HAAO: variants seen among roughly 807,000 people sequenced by gnomAD.
The protein encoded by HAAO is 3-hydroxyanthranilate oxygenase.
A neutral mutation model predicts 46.2 loss-of-function variants in HAAO; 49 were observed. The ratio of observed to expected loss-of-function variants is 1.06; its 90% CI spans 0.84 to 1.34. The LOEUF is 1.34. HAAO is among the 40% of genes most tolerant of loss of function. The probability of loss-of-function intolerance (pLI) is 0.00; values close to 1 mark genes in which losing one functional copy is unlikely to be tolerated. For missense variants in HAAO, 408 were observed against 364.5 expected, an observed-to-expected ratio of 1.12 and a Z score of -0.97; for synonymous variants, 157 against 145.2, an observed-to-expected ratio of 1.08 and a Z score of -0.58.
At chr2:42,775,450 C>A (rs746648561) in intron 4 of HAAO, among the ~76,000 whole-genome samples, 1 of 151,864 alleles carries the variant, frequency 6.6e-6, no homozygotes, top group Admixed American at 6.6e-5. Flanking sequence ...AGCTGAAATA[C>A]GGTAATGAGA....
At chr2:42,768,265 C>G (rs1051679341) in intron 7 of HAAO, among the ~76,000 whole-genome samples, 1 of 152,344 alleles carries the variant, frequency 6.6e-6, no homozygotes, top group African/African-American at 2.4e-5. Flanking sequence ...AGGGTGCCAC[C>G]TCCCTTTCTC....
chr2:42,767,541 T>C, intron 9 of HAAO, 26 bp from the exon 10 acceptor site: 1 of 1,600,838 alleles, frequency 6.2e-7, no homozygotes, highest in Non-Finnish European at 8.5e-7. Flanking sequence ...TGAGCAGGGA[T>C]CACACAGAGT....
chr2:42,775,517 T>G lies in HAAO; in HGVS notation c.351-4935A>C, dbSNP rs145143629. On this transcript the variant is annotated intron_variant, in intron 4 of 9. Transcript: ENST00000294973. ...GTTAAAAGTCAGCTTAATTAAAAGC[T>G]AACATCCAAGGGGTGTGTGTGTGTG... Among the ~76,000 whole-genome samples, 419 of 140,796 alleles carry G rather than the reference T, an allele frequency of 3.0e-3. 1 individual carries two copies. The highest frequency in any genetic ancestry group is 0.011 in the African/African-American group (405 of 35,658). 92.4% of individuals were successfully genotyped at this position (140,796 alleles called of 152,430 possible). A position where few individuals can be genotyped will look rare whatever the true frequency, so the allele number is the denominator to read the frequency against.
At chr2:42,783,155 GAC>G in intron 4 of HAAO, 157 bp downstream of exon 4, 1 of 599,736 alleles carries the variant, frequency 1.7e-6, no homozygotes, top group Non-Finnish European at 3.0e-6. Context: ...AGCCAACAAA[GAC>G]AGGATCTCCA....
intron 7 of HAAO, 69 bp downstream of exon 7, chr2:42,769,640 TGAGA>T (rs1670951340): frequency 4.1e-6 from 5 of 1,223,822 alleles, no homozygotes; most frequent in African/African-American, 1.5e-5. Context: ...AGAGAGGCAG[TGAGA>T]GAGAGACTGG....
chr2:42,767,842 T>C lies in HAAO; in HGVS notation c.699+18A>G, dbSNP rs1558657014. 1 of 1,612,514 alleles carries C rather than the reference T, an allele frequency of 6.2e-7. No individual in the cohort carries two copies. On this transcript the variant is annotated intron_variant, in intron 8 of 9. Coordinates refer to ENST00000294973, the MANE Select transcript of HAAO (RefSeq NM_012205.3). Reference sequence around the variant, plus strand: ...TCTGGCAGGGGGTTCTGCAACCCTGTCCCTGGGCCCCACTTGCCAGCTGCC... The same window carrying C: ...TCTGGCAGGGGGTTCTGCAACCCTGCCCCTGGGCCCCACTTGCCAGCTGCC...
At chr2:42,790,547 T>G (rs1672716597) in intron 1 of HAAO, among the ~76,000 whole-genome samples, 1 of 71,722 alleles carries the variant, frequency 1.4e-5, no homozygotes, top group Non-Finnish European at 2.8e-5. Context: ...TTTTTTTTTT[T>G]TTTCAGATAG....
At chr2:42,775,557 T>C (rs564362336) in intron 4 of HAAO, among the ~76,000 whole-genome samples, 1 of 152,164 alleles carries the variant, frequency 6.6e-6, no homozygotes, top group Non-Finnish European at 1.5e-5. Context: ...TATTTAACTT[T>C]CATGTTTTTG....
At position 42,792,464 on chromosome 2, in the gene HAAO, T is replaced by G; in HGVS notation, c.73A>C (p.Lys25Gln). ...TGGGGGTGCTGGACTCACATGAGCT[T>G]GTTGCAGACCGGGGGCTGGAAGGAG... ...RGSFQPPVCN[K>Q]LMHQEQLKVM... The change falls in exon 1 of 10, where the codon AAG becomes CAG. Residue 25 changes from lysine (K) to glutamine (Q), a missense_variant. By Grantham distance (53) the Lys-to-Gln change is moderately conservative. Transcript: ENST00000294973. 1 of 1,585,912 alleles carries G rather than the reference T, an allele frequency of 6.3e-7. No homozygotes were observed. Among genetic ancestry groups the G allele is most frequent in the Non-Finnish European group, 8.6e-7 (1 of 1,166,218 alleles).
intron 1 of HAAO, among the ~76,000 whole-genome samples, chr2:42,790,207 T>G (rs1337281601): frequency 1.3e-5 from 2 of 152,146 alleles, no homozygotes; most frequent in Non-Finnish European, 2.9e-5. Flanking sequence ...TTCCTTCCCT[T>G]TTGGGAGGCT....
intron 2 of HAAO, among the ~76,000 whole-genome samples, chr2:42,788,224 C>A (rs1234178695): frequency 6.6e-6 from 1 of 152,240 alleles, no homozygotes; most frequent in East Asian, 1.9e-4. Context: ...TCCCCCTTCA[C>A]ATGGCCAGCC....
intron 4 of HAAO, among the ~76,000 whole-genome samples, chr2:42,776,566 C>A (rs1351572578): frequency 6.6e-6 from 1 of 151,008 alleles, no homozygotes; most frequent in East Asian, 2.0e-4. Context: ...CCCTCTAGCA[C>A]CATCCGACTT....
At chr2:42,771,012 C>T (rs1671072113) in intron 4 of HAAO, among the ~76,000 whole-genome samples, 1 of 152,192 alleles carries the variant, frequency 6.6e-6, no homozygotes, top group African/African-American at 2.4e-5. Flanking sequence ...GAGGCTGAGC[C>T]TGAAACCAGG....
intron 7 of HAAO, among the ~76,000 whole-genome samples, chr2:42,768,883 C>T (rs1488127415): frequency 1.3e-4 from 20 of 152,204 alleles, no homozygotes; most frequent in Admixed American, 1.3e-3. Context: ...ACCCCCAAGC[C>T]CCGCCTCTGG....
At chr2:42,773,522 C>T (rs1405129211) in intron 4 of HAAO, among the ~76,000 whole-genome samples, 2 of 151,844 alleles carry the variant, frequency 1.3e-5, no homozygotes, top group Non-Finnish European at 2.9e-5. Flanking sequence ...TCTTGGGCCC[C>T]GAAATCACTA....
intron 1 of HAAO, chr2:42,788,944 A>C: frequency 6.2e-6 from 2 of 324,262 alleles, no homozygotes; most frequent in South Asian, 6.6e-5. Context: ...GAGAGTAGCA[A>C]ATTGAAGACC....
At chr2:42,769,218 T>G (rs184272482) in intron 7 of HAAO, among the ~76,000 whole-genome samples, 2 of 152,328 alleles carry the variant, frequency 1.3e-5, no homozygotes, top group Admixed American at 1.3e-4. Flanking sequence ...TCTATCCTAC[T>G]CTCCCACTAA....
chr2:42,783,703 C>G, intron 3 of HAAO, 81 bp downstream of exon 3: 1 of 1,242,124 alleles, frequency 8.1e-7, no homozygotes, highest in Non-Finnish European at 1.2e-6. Flanking sequence ...AAGACCTCAG[C>G]CAGGGCCAGG....
intron 2 of HAAO, 110 bp downstream of exon 2, chr2:42,788,419 C>T (rs1672548736): frequency 2.6e-6 from 2 of 763,710 alleles, no homozygotes; most frequent in Non-Finnish European, 4.8e-6. Context: ...GCCACATGTC[C>T]ACCCCTCTCC....
Sources: allele counts gnomAD v4.1 joint callset (sites outside exome capture counted in the v4.1 genomes callset), GRCh38; gene constraint gnomAD v4.1.1; transcripts MANE v1.5; gene names NCBI Gene and HGNC (gene_info 2026-07-23, HGNC 2026-07-21).